TMEM131: variants seen among roughly 807,000 people sequenced by gnomAD.
TMEM131 encodes transmembrane protein 131, also known as 2610524E03Rik.
A neutral mutation model predicts 211.6 loss-of-function variants in TMEM131; 66 were observed. The observed-to-expected ratio is 0.31, with a 90% CI of 0.26 to 0.38. TMEM131 has a LOEUF of 0.38. Among genes scored for constraint, TMEM131 ranks in the 10% least tolerant of loss-of-function variants. TMEM131 has a pLI of 1.00. For missense variants in TMEM131, 2,036 were observed against 2,299.3 expected, an observed-to-expected ratio of 0.89 and a Z score of 2.34; for synonymous variants, 844 against 841.3, an observed-to-expected ratio of 1.00 and a Z score of -0.06.
At chr2:97,759,610 T>C in intron 39 of TMEM131, 42 bp downstream of exon 39, 1 of 1,503,460 alleles carries the variant, frequency 6.7e-7, no homozygotes, top group Admixed American at 1.8e-5. Flanking sequence ...CCTTCCTCTG[T>C]CCACAGGCTT....
intron 35 of TMEM131, chr2:97,764,985 T>C (rs1357198002): frequency 6.6e-6 from 1 of 152,252 alleles, no homozygotes; most frequent in Non-Finnish European, 1.5e-5. Flanking sequence ...TGTGTTCTGT[T>C]GCTGAAAGTG....
intron 1 of TMEM131, among the ~76,000 whole-genome samples, chr2:97,969,523 C>T (rs1679205016): frequency 6.6e-6 from 1 of 152,212 alleles, no homozygotes; most frequent in African/African-American, 2.4e-5. Flanking sequence ...TAATTAATGA[C>T]ACCTGCAGGT....
At chr2:97,910,665 G>C (rs1466503851) in intron 2 of TMEM131, among the ~76,000 whole-genome samples, 1 of 152,098 alleles carries the variant, frequency 6.6e-6, no homozygotes, top group Admixed American at 6.6e-5. Flanking sequence ...ATTCTAACCG[G>C]TGTGAGATGG....
At chr2:97,877,722 C>CTT (rs1674757336) in intron 4 of TMEM131, among the ~76,000 whole-genome samples, 2 of 152,308 alleles carry the variant, frequency 1.3e-5, no homozygotes, top group South Asian at 4.1e-4. Context: ...GGATCAAAGA[C>CTT]TTAAACATAT....
intron 19 of TMEM131, among the ~76,000 whole-genome samples, chr2:97,806,836 C>T (rs1007178126): frequency 3.3e-5 from 5 of 152,002 alleles, no homozygotes; most frequent in East Asian, 1.9e-4. Flanking sequence ...GGAAAAAGGG[C>T]GCAATGACTG....
chr2:97,795,168 G>C, intron 28 of TMEM131, 53 bp from the exon 29 acceptor site: 1 of 1,378,354 alleles, frequency 7.3e-7, no homozygotes, highest in South Asian at 1.3e-5. Context: ...CTCACAAGCA[G>C]TCTGCATATA....
intron 1 of TMEM131, among the ~76,000 whole-genome samples, chr2:97,949,924 C>CG (rs1446808284): frequency 1.3e-5 from 2 of 151,582 alleles, no homozygotes; most frequent in Non-Finnish European, 2.9e-5. Context: ...TCCAAATCAT[C>CG]ATCTCACATC....
At chr2:97,783,148 G>A (rs552195927) in intron 31 of TMEM131, among the ~76,000 whole-genome samples, 38 of 152,134 alleles carry the variant, frequency 2.5e-4, no homozygotes, top group Middle Eastern at 3.4e-3. Flanking sequence ...TAGAAACCAC[G>A]GAGGCTAAAA....
At chr2:97,818,569 C>T in intron 12 of TMEM131, 44 bp downstream of exon 12, 1 of 1,275,264 alleles carries the variant, frequency 7.8e-7, no homozygotes, top group Non-Finnish European at 1.1e-6. Context: ...TCTAGTTTAT[C>T]AAAATAACAT....
At chr2:97,944,327 T>A (rs945295672) in intron 1 of TMEM131, among the ~76,000 whole-genome samples, 2 of 151,942 alleles carry the variant, frequency 1.3e-5, no homozygotes, top group African/African-American at 4.8e-5. Flanking sequence ...AAAAATTAAA[T>A]CCAGAAGGAA....
intron 1 of TMEM131, among the ~76,000 whole-genome samples, chr2:97,948,652 C>CTT (rs137894541): frequency 6.7e-5 from 10 of 149,408 alleles, no homozygotes; most frequent in South Asian, 2.1e-4. Context: ...TCAGTAGTTT[C>CTT]TTTTTTTTTT....
chr2:97,833,746 C>T (rs1451864579), intron 10 of TMEM131, among the ~76,000 whole-genome samples: 1 of 151,686 alleles, frequency 6.6e-6, no homozygotes, highest in Non-Finnish European at 1.5e-5. Flanking sequence ...CAACCTCAGC[C>T]TCCTGGGTTC....
At chr2:97,806,792 G>A (rs1383758740) in intron 19 of TMEM131, among the ~76,000 whole-genome samples, 1 of 152,072 alleles carries the variant, frequency 6.6e-6, no homozygotes, top group African/African-American at 2.4e-5. Flanking sequence ...TTAAATATTT[G>A]GAATAAAAAA....
At chr2:97,938,962 G>C (rs1334731101) in intron 1 of TMEM131, among the ~76,000 whole-genome samples, 1 of 152,082 alleles carries the variant, frequency 6.6e-6, no homozygotes, top group Non-Finnish European at 1.5e-5. Flanking sequence ...CAGAAATAAA[G>C]ATGTTCTTTG....
chr2:97,938,491 T>C (rs1677554800), intron 1 of TMEM131, among the ~76,000 whole-genome samples: 1 of 152,126 alleles, frequency 6.6e-6, no homozygotes, highest in African/African-American at 2.4e-5. Flanking sequence ...ATCCTAAATA[T>C]ATATGCACCA....
At chr2:97,963,491 G>T (rs1425387259) in intron 1 of TMEM131, among the ~76,000 whole-genome samples, 1 of 152,202 alleles carries the variant, frequency 6.6e-6, no homozygotes, top group Non-Finnish European at 1.5e-5. Flanking sequence ...GAGGTGAGCA[G>T]ATCACTGGAG....
intron 1 of TMEM131, among the ~76,000 whole-genome samples, chr2:97,947,311 C>G (rs1055752727): frequency 2.0e-5 from 3 of 151,946 alleles, no homozygotes; most frequent in Admixed American, 6.5e-5. Flanking sequence ...GACATGATAT[C>G]TCCTATAACA....
chr2:97,945,119 G>C (rs537154567), intron 1 of TMEM131, among the ~76,000 whole-genome samples: 2 of 152,252 alleles, frequency 1.3e-5, no homozygotes, highest in South Asian at 4.1e-4. Flanking sequence ...ATTTAATGGA[G>C]TATTTTTCAG....
At chr2:97,893,159 G>A (rs1376941637) in intron 3 of TMEM131, among the ~76,000 whole-genome samples, 2 of 152,156 alleles carry the variant, frequency 1.3e-5, no homozygotes, top group Admixed American at 1.3e-4. Context: ...TTCTGTTCTT[G>A]TGTTAGTTTG....
Sources: allele counts gnomAD v4.1 joint callset (sites outside exome capture counted in the v4.1 genomes callset), GRCh38; gene constraint gnomAD v4.1.1; transcripts MANE v1.5; gene names NCBI Gene and HGNC (gene_info 2026-07-23, HGNC 2026-07-21).